The following STK32B variants were observed in gnomAD, a reference collection of about 807,000 sequenced individuals.
STK32B encodes the protein serine/threonine kinase 32B.
STK32B carries 43 observed loss-of-function variants against 52.6 expected under a neutral mutation model. The ratio of observed to expected loss-of-function variants is 0.82; its 90% CI spans 0.64 to 1.05. STK32B has a LOEUF of 1.05. STK32B is among the 50% of genes least tolerant of loss of function. The pLI is 0.00. For missense variants in STK32B, 621 were observed against 534.6 expected (o/e 1.16, Z -1.59); for synonymous variants, 238 against 204.3 (o/e 1.17, Z -1.41).
intron 7 of STK32B, among the ~76,000 whole-genome samples, chr4:5,449,575 G>A (rs1429488339): frequency 6.6e-6 from 1 of 152,202 alleles, no homozygotes; most frequent in African/African-American, 2.4e-5. Context: ...TCCAACCCCT[G>A]GGGCTGGGTA....
At chr4:5,117,602 TGAG>T (rs2108807854) in intron 1 of STK32B, among the ~76,000 whole-genome samples, 2 of 152,322 alleles carry the variant, frequency 1.3e-5, no homozygotes, top group Middle Eastern at 3.4e-3. Context: ...AATGGGGAGA[TGAG>T]TTCTTATAAT....
In STK32B at chr4:5,317,452, T is replaced by C. The variant is rs1382284518; in HGVS notation, c.261-13768T>C. Reference sequence around the variant, plus strand: ...ATATATATTACATATATACATAATATATATAATATATATGTATAATATATA... The same window carrying C: ...ATATATATTACATATATACATAATACATATAATATATATGTATAATATATA... On this transcript the variant is annotated intron_variant, in intron 3 of 11. Transcript: ENST00000282908. Among the ~76,000 whole-genome samples the C allele has an allele frequency of 6.9e-5, 7 of 100,924 alleles. No homozygotes were observed. The East Asian group carries it at 1.9e-3, about 28-fold the overall frequency. The allele number at this position is 100,924 out of a possible 152,430, so 66.2% of individuals were successfully genotyped here.
Position 5,277,046 on chromosome 4 carries a change from T to C in STK32B, c.261-54174T>C, listed in dbSNP as rs73794512. 6.5e-3 allele frequency among the ~76,000 whole-genome samples: 984 copies of C among 152,372 alleles called. 18 individuals carry two copies. The highest frequency in any genetic ancestry group is 0.015 in the African/African-American group (636 of 41,594). ...TTTCTCCAGATGAACTTTTATCTTA[T>C]GGAGTTCATTCTCCCTGACTCCAAA... On this transcript the variant is annotated intron_variant, in intron 3 of 11. Coordinates refer to ENST00000282908, the MANE Select transcript of STK32B (RefSeq NM_018401.3).
rs1228362253 is a variant in STK32B, at chr4:5,311,915, T to TATATATATATA, written c.261-19305_261-19304insATATATATATA. ...AAGTGCATACTTTTATATATATATATTTTTTTTTAAAGTTTATTCTTATTT... is the reference window on the plus strand; with the variant it reads ...AAGTGCATACTTTTATATATATATATATATATATATATTTTTTTTAAAGTTTATTCTTATTT... On this transcript the variant is annotated intron_variant, in intron 3 of 11. Transcript: ENST00000282908. 1.5e-3 allele frequency among the ~76,000 whole-genome samples: 198 copies of TATATATATATA among 135,492 alleles called. No individual in the cohort carries two copies. In the Middle Eastern group the frequency reaches 0.022, roughly 15 times the overall value. 88.9% of individuals were successfully genotyped at this position (135,492 alleles called of 152,430 possible). A position where few individuals can be genotyped will look rare whatever the true frequency, so the allele number is the denominator to read the frequency against.
rs1351341614 is a variant in STK32B at position 5,270,458 on chromosome 4, A to C, written c.261-60762A>C. On this transcript the variant is annotated intron_variant, in intron 3 of 11. Transcript: ENST00000282908. ...GATTGAGGGTGGGTCTGCCTTTCCC[A>C]GTCCACTGACTCAAAGGCAGATCTC... 3.3e-5 allele frequency among the ~76,000 whole-genome samples: 5 copies of C among 152,066 alleles called. No homozygotes were observed. The East Asian group carries it at 9.7e-4, about 29-fold the overall frequency.
intron 4 of STK32B, among the ~76,000 whole-genome samples, chr4:5,343,255 C>T (rs1357741741): frequency 2.0e-5 from 3 of 151,986 alleles, no homozygotes; most frequent in Non-Finnish European, 4.4e-5. Flanking sequence ...CAGCTTCATC[C>T]ATGTCCCTAC....
rs556538753 is a variant in STK32B at position 5,338,609 on chromosome 4, T to C, written c.434+7216T>C. On this transcript the variant is annotated intron_variant, in intron 4 of 11. Transcript: ENST00000282908. Reference sequence around the variant, plus strand: ...TGGACATTGGTGAGATAAATGCCGATGTTCCAGAGCTGAGCCAGGGATGAA... The same window carrying C: ...TGGACATTGGTGAGATAAATGCCGACGTTCCAGAGCTGAGCCAGGGATGAA... Among the ~76,000 whole-genome samples the C allele has an allele frequency of 2.0e-5, 3 of 152,338 alleles. No individual in the cohort carries two copies. In the East Asian group the frequency reaches 5.8e-4, roughly 29 times the overall value.
At chr4:5,107,147 A>T (rs979533831) in intron 1 of STK32B, among the ~76,000 whole-genome samples, 5 of 152,040 alleles carry the variant, frequency 3.3e-5, no homozygotes, top group African/African-American at 1.2e-4. Flanking sequence ...TTTTCATAGG[A>T]GCGCAAACCT....
At chr4:5,179,794 G>A (rs1399834797) in intron 3 of STK32B, among the ~76,000 whole-genome samples, 4 of 152,202 alleles carry the variant, frequency 2.6e-5, no homozygotes, top group Non-Finnish European at 4.4e-5. Context: ...AAAACATTTA[G>A]TCTGAGGGCT....
intron 4 of STK32B, among the ~76,000 whole-genome samples, chr4:5,343,846 C>A (rs564198817): frequency 6.6e-6 from 1 of 152,124 alleles, no homozygotes; most frequent in African/African-American, 2.4e-5. Context: ...GGGAGGGGTG[C>A]AAAGTAGCCT....
intron 6 of STK32B, among the ~76,000 whole-genome samples, chr4:5,437,193 G>A (rs1408808866): frequency 1.3e-5 from 2 of 152,194 alleles, no homozygotes; most frequent in Admixed American, 1.3e-4. Context: ...GGGTGACCTT[G>A]GCAAGTTCCT....
At chr4:5,319,276 G>A (rs1199280248) in intron 3 of STK32B, among the ~76,000 whole-genome samples, 2 of 152,158 alleles carry the variant, frequency 1.3e-5, no homozygotes, top group Non-Finnish European at 2.9e-5. Flanking sequence ...TCCAGAGCCT[G>A]TACACTTCAA....
intron 6 of STK32B, among the ~76,000 whole-genome samples, chr4:5,427,149 GA>G (rs1284373602): frequency 6.6e-6 from 1 of 152,112 alleles, no homozygotes; most frequent in East Asian, 1.9e-4. Context: ...TAAATCTGTC[GA>G]GATAATCCTG....
At chr4:5,409,062 T>C (rs1737856943) in intron 5 of STK32B, among the ~76,000 whole-genome samples, 1 of 152,072 alleles carries the variant, frequency 6.6e-6, no homozygotes. Flanking sequence ...GACTAGACAA[T>C]GTTCAGACAG....
At chr4:5,056,776 C>T (rs991205889) in intron 1 of STK32B, among the ~76,000 whole-genome samples, 1 of 152,186 alleles carries the variant, frequency 6.6e-6, no homozygotes, top group African/African-American at 2.4e-5. Context: ...GTGTCACATG[C>T]CCACTTTTGG....
At chr4:5,337,234 C>G (rs1732771363) in intron 4 of STK32B, among the ~76,000 whole-genome samples, 1 of 151,936 alleles carries the variant, frequency 6.6e-6, no homozygotes, top group African/African-American at 2.4e-5. Flanking sequence ...AGCAGTCCAC[C>G]CACCTTGGCC....
At chr4:5,354,575 G>A (rs1015873235) in intron 4 of STK32B, among the ~76,000 whole-genome samples, 2 of 152,166 alleles carry the variant, frequency 1.3e-5, no homozygotes, top group African/African-American at 4.8e-5. Flanking sequence ...CCAATGGAAG[G>A]TGTGAGTTCT....
At chr4:5,260,502 A>G (rs1393802161) in intron 3 of STK32B, among the ~76,000 whole-genome samples, 2 of 152,174 alleles carry the variant, frequency 1.3e-5, no homozygotes, top group African/African-American at 4.8e-5. Context: ...TCTGCCTGGA[A>G]TGACCGGGGA....
chr4:5,268,236 T>TA (rs1359319736), intron 3 of STK32B, among the ~76,000 whole-genome samples: 1 of 152,064 alleles, frequency 6.6e-6, no homozygotes, highest in Non-Finnish European at 1.5e-5. Flanking sequence ...TTCTCTGAGG[T>TA]GGAAGGTTCA....
Sources: allele counts gnomAD v4.1 joint callset (sites outside exome capture counted in the v4.1 genomes callset), GRCh38; gene constraint gnomAD v4.1.1; transcripts MANE v1.5; gene names NCBI Gene and HGNC (gene_info 2026-07-23, HGNC 2026-07-21).